ITGA11: variants seen among roughly 807,000 people sequenced by gnomAD.
ITGA11 encodes the protein integrin alpha-11.
A neutral mutation model predicts 141.9 loss-of-function variants in ITGA11; 97 were observed. The observed-to-expected ratio is 0.68, with a 90% CI of 0.58 to 0.81. ITGA11 has a LOEUF of 0.81. Ranked by LOEUF, ITGA11 falls within the 30% of genes least tolerant of loss-of-function variation. The pLI is 0.00. For synonymous variants in ITGA11, 658 were observed against 624.6 expected, an observed-to-expected ratio of 1.05 and a Z score of -0.80; for missense variants, 1,387 against 1,559.2, an observed-to-expected ratio of 0.89 and a Z score of 1.86.
chr15:68,419,596 A>G (rs1896969485), intron 1 of ITGA11, among the ~76,000 whole-genome samples: 1 of 152,190 alleles, frequency 6.6e-6, no homozygotes, highest in Admixed American at 6.5e-5. Flanking sequence ...CTCCTGTTAC[A>G]TCTGGGTTTA....
rs1252257856 is a variant in ITGA11 at position 68,308,172 on chromosome 15, C to A, written c.3175-476G>T. ...ATTATGGAAAAATTATGCATGGATT[C>A]CAAAACTTTTTTTGCCCCAAAATAA... is the stretch of plus-strand genomic sequence containing the variant. On this transcript the variant is annotated intron_variant, in intron 26 of 29. Coordinates refer to ENST00000315757, the MANE Select transcript of ITGA11 (RefSeq NM_001004439.2). This position sits in a 1 kb window ranked among gnomAD's most constrained non-coding sequence, Gnocchi z 5.2. 6.6e-6 allele frequency among the ~76,000 whole-genome samples: 1 copy of A among 152,088 alleles called. No individual in the cohort carries two copies.
chr15:68,299,491 CAA>C lies in ITGA11; in HGVS notation c.*3566_*3567del. 1 of 151,254 alleles carries C rather than the reference CAA, an allele frequency of 6.6e-6. No homozygotes were observed. Among genetic ancestry groups the C allele is most frequent in the Non-Finnish European group, 1.5e-5 (1 of 67,884 alleles). The allele number at this position is 151,254 out of a possible 1,614,324, so 9.4% of individuals were successfully genotyped here. On this transcript the variant is annotated 3_prime_UTR_variant, in exon 30 of 30. Coordinates refer to ENST00000315757, the MANE Select transcript of ITGA11 (RefSeq NM_001004439.2). Reference sequence around the variant, plus strand: ...GAACCACATTAGCCGAAGGTAAAAGCAAAGACTGGTGTGGTGTTGAATAAAAA... The same window carrying C: ...GAACCACATTAGCCGAAGGTAAAAGCAGACTGGTGTGGTGTTGAATAAAAA...
chr15:68,359,298 G>C (rs983478636), intron 5 of ITGA11, among the ~76,000 whole-genome samples: 2 of 152,132 alleles, frequency 1.3e-5, no homozygotes, highest in Non-Finnish European at 2.9e-5. Context: ...TCAAGCTCTC[G>C]TGCCATTATC....
At chr15:68,318,806 T>G (rs903159603) in intron 20 of ITGA11, among the ~76,000 whole-genome samples, 7 of 152,160 alleles carry the variant, frequency 4.6e-5, no homozygotes, top group Non-Finnish European at 8.8e-5. Context: ...CTGTCTTGCC[T>G]GGCACACTGG....
intron 11 of ITGA11, 173 bp from the exon 12 acceptor site, chr15:68,336,018 C>G: frequency 1.3e-6 from 1 of 761,266 alleles, no homozygotes; most frequent in Non-Finnish European, 2.1e-6. Context: ...GCTGGGGAGG[C>G]CTGGAAGAGG....
At chr15:68,353,346 A>C (rs1334157220) in intron 7 of ITGA11, among the ~76,000 whole-genome samples, 1 of 152,230 alleles carries the variant, frequency 6.6e-6, no homozygotes, top group Admixed American at 6.5e-5. Context: ...CTGCAGAGGC[A>C]CGTGCCACAT....
intron 2 of ITGA11, among the ~76,000 whole-genome samples, chr15:68,381,162 G>A (rs1895852283): frequency 1.3e-5 from 2 of 152,084 alleles, no homozygotes; most frequent in African/African-American, 4.8e-5. Context: ...ACTCACCTGG[G>A]GATTTTGAAA....
chr15:68,303,463 C>G lies in ITGA11; in HGVS notation c.3495+309G>C, dbSNP rs11631030. On this transcript the variant is annotated intron_variant, in intron 29 of 29. Transcript: ENST00000315757. The surrounding 1 kb of genome is among the most constrained non-coding windows in gnomAD (Gnocchi z 5.3). The stretch of plus-strand genomic sequence containing the variant: ...GAGCTTCAGAGACAGAGATGGACTT[C>G]GGGAGGTTTGTTAACAGCTTGACAT... Among the ~76,000 whole-genome samples the G allele has an allele frequency of 2.0e-5, 3 of 151,730 alleles. No homozygotes were observed. Among genetic ancestry groups the G allele is most frequent in the Non-Finnish European group, 4.4e-5 (3 of 67,958 alleles).
intron 2 of ITGA11, among the ~76,000 whole-genome samples, chr15:68,397,801 TTAA>T (rs1199431548): frequency 0.012 from 1,209 of 99,184 alleles, 56 homozygotes; most frequent in African/African-American, 0.032. Flanking sequence ...TATAAAATTA[TTAA>T]TAATAATATT....
At chr15:68,319,875 C>A (rs998052074) in intron 20 of ITGA11, among the ~76,000 whole-genome samples, 4 of 152,156 alleles carry the variant, frequency 2.6e-5, no homozygotes, top group African/African-American at 9.7e-5. Flanking sequence ...AACCCCAGAG[C>A]AAATCAGTTA....
Position 68,331,978 on chromosome 15 carries a change from C to T in ITGA11, c.1651G>A (p.Asp551Asn), listed in dbSNP as rs1894179692. The T allele has an allele frequency of 6.2e-7, 1 of 1,612,954 alleles. No individual in the cohort carries two copies. Among genetic ancestry groups the T allele is most frequent in the Non-Finnish European group, 8.5e-7 (1 of 1,179,562 alleles). Residue 551 changes from aspartate (D) to asparagine (N), a missense_variant, in exon 14 of 30, where the codon GAC becomes AAC. Transcript: ENST00000315757. ...RFGSSIASVR[D>N]LNQDSYNDVV... ...TCATTGTAGGAATCCTGGTTGAGGT[C>T]TCGAACTGAGGCAATGGAGGACCCA...
chr15:68,352,119 A>C (rs1295243002), intron 7 of ITGA11, among the ~76,000 whole-genome samples: 1 of 147,724 alleles, frequency 6.8e-6, no homozygotes, highest in African/African-American at 2.5e-5. Context: ...CAAACAAACA[A>C]ACACCATTGA....
At position 68,317,365 on chromosome 15, in the gene ITGA11, T is replaced by C; in HGVS notation, c.2617-2A>G. On this transcript the variant is annotated splice_acceptor_variant, in intron 20 of 29. Coordinates refer to ENST00000315757, the MANE Select transcript of ITGA11 (RefSeq NM_001004439.2). LOFTEE classifies it high-confidence loss of function. ...CTCAATGCTACCGTCTGAGTCCTCC[T>C]GGAGGTGGGTGGCAGACATCATGGC... 6.2e-7 allele frequency: 1 copy of C among 1,604,454 alleles called. No individual in the cohort carries two copies. Among genetic ancestry groups the C allele is most frequent in the Non-Finnish European group, 8.5e-7 (1 of 1,171,220 alleles).
At chr15:68,405,562 T>G (rs1454171994) in intron 1 of ITGA11, among the ~76,000 whole-genome samples, 1 of 152,174 alleles carries the variant, frequency 6.6e-6, no homozygotes, top group African/African-American at 2.4e-5. Flanking sequence ...ACAAATCCCA[T>G]GCCATAAATG....
intron 13 of ITGA11, 36 bp downstream of exon 13, chr15:68,332,300 GGC>G: frequency 6.3e-7 from 1 of 1,576,414 alleles, no homozygotes; most frequent in Non-Finnish European, 8.6e-7. Context: ...AGAGGTTGGG[GGC>G]ACCTGAGAAG....
chr15:68,366,703 C>T (rs991197469), intron 3 of ITGA11, among the ~76,000 whole-genome samples: 2 of 152,154 alleles, frequency 1.3e-5, no homozygotes, highest in African/African-American at 4.8e-5. Context: ...CCTCTGTGAG[C>T]GGGAGAGACT....
intron 2 of ITGA11, among the ~76,000 whole-genome samples, chr15:68,401,302 T>C (rs1450959623): frequency 6.6e-6 from 1 of 151,976 alleles, no homozygotes; most frequent in Non-Finnish European, 1.5e-5. Context: ...GCCTGGCAGG[T>C]CCTACTAAAA....
chr15:68,357,117 T>TA (rs768867720), intron 7 of ITGA11, 34 bp downstream of exon 7: 1 of 1,601,858 alleles, frequency 6.2e-7, no homozygotes. Context: ...ATCTGAGATC[T>TA]AAAAAAATTT....
At chr15:68,401,799 T>A (rs1896517501) in intron 2 of ITGA11, among the ~76,000 whole-genome samples, 1 of 152,166 alleles carries the variant, frequency 6.6e-6, no homozygotes, top group African/African-American at 2.4e-5. Context: ...GTTCGTTAAG[T>A]TGCACATTCA....
Sources: allele counts gnomAD v4.1 joint callset (sites outside exome capture counted in the v4.1 genomes callset), GRCh38; gene constraint gnomAD v4.1.1; non-coding constraint Gnocchi (gnomAD v3.1); transcripts MANE v1.5; gene names NCBI Gene and HGNC (gene_info 2026-07-23, HGNC 2026-07-21).